Variants in EFL1 observed in about 807,000 individuals in gnomAD.
The protein encoded by EFL1 is elongation factor like GTPase 1.
Under a neutral mutation model 126.7 loss-of-function variants are expected in EFL1, and 76 were observed. The ratio of observed to expected loss-of-function variants is 0.60; its 90% CI spans 0.50 to 0.73. The LOEUF is 0.73. EFL1 is among the 30% of genes least tolerant of loss of function. The probability of loss-of-function intolerance (pLI) is 0.00; values close to 1 mark genes in which losing one functional copy is unlikely to be tolerated. For missense variants in EFL1, 1,128 were observed against 1,343.2 expected (o/e 0.84, Z 2.50); for synonymous variants, 410 against 448.4 (o/e 0.91, Z 1.08).
At chr15:82,230,467 C>G (rs1001570560) in intron 8 of EFL1, among the ~76,000 whole-genome samples, 3 of 152,006 alleles carry the variant, frequency 2.0e-5, no homozygotes, top group Non-Finnish European at 2.9e-5. Flanking sequence ...CCTCAGCTGA[C>G]ACTAGAAAGA....
chr15:82,204,462 G>T lies in EFL1; in HGVS notation c.1750+10255C>A, dbSNP rs377461432. ...TCCAATCAGACTATATCAATTTATGGGCGTAAGAGAGTATATTTCCACCTT... is the reference window on the plus strand; with the variant it reads ...TCCAATCAGACTATATCAATTTATGTGCGTAAGAGAGTATATTTCCACCTT... On this transcript the variant is annotated intron_variant, in intron 15 of 19. Transcript: ENST00000268206. Among the ~76,000 whole-genome samples the T allele has an allele frequency of 6.6e-5, 10 of 152,004 alleles. 1 individual carries two copies. The East Asian group carries it at 1.5e-3, about 23-fold the overall frequency.
chr15:82,255,898 C>T (rs2075062488), intron 3 of EFL1, among the ~76,000 whole-genome samples: 1 of 152,124 alleles, frequency 6.6e-6, no homozygotes, highest in Admixed American at 6.5e-5. Context: ...CTTCTTCAGT[C>T]CCGGCTATTA....
chr15:82,262,528 C>T (rs868615520), intron 1 of EFL1, 86 bp downstream of exon 1: 42 of 222,696 alleles, frequency 1.9e-4, no homozygotes, highest in Middle Eastern at 1.6e-3. Flanking sequence ...CTGTTCCCGC[C>T]TCAGAGCCGC....
chr15:82,198,836 A>G (rs2074437148), intron 15 of EFL1, among the ~76,000 whole-genome samples: 1 of 152,316 alleles, frequency 6.6e-6, no homozygotes, highest in East Asian at 1.9e-4. Context: ...CTTATTTACT[A>G]GTTTGCGATC....
At chr15:82,143,770 C>T (rs1158171114) in intron 18 of EFL1, among the ~76,000 whole-genome samples, 2 of 152,152 alleles carry the variant, frequency 1.3e-5, no homozygotes, top group South Asian at 4.1e-4. Flanking sequence ...TAATCAGTGA[C>T]TTAAAAAAGA....
chr15:82,146,756 C>A (rs1295219839), intron 18 of EFL1, among the ~76,000 whole-genome samples: 4 of 152,124 alleles, frequency 2.6e-5, no homozygotes, highest in Non-Finnish European at 5.9e-5. Context: ...CACATACACA[C>A]AGTTGCCGCA....
At chr15:82,146,225 A>C (rs2073844101) in intron 18 of EFL1, among the ~76,000 whole-genome samples, 1 of 152,188 alleles carries the variant, frequency 6.6e-6, no homozygotes, top group Non-Finnish European at 1.5e-5. Context: ...TCTTGTTTTA[A>C]TAATCTATGT....
At chr15:82,243,772 T>C (rs1266914380) in intron 4 of EFL1, among the ~76,000 whole-genome samples, 1 of 150,926 alleles carries the variant, frequency 6.6e-6, no homozygotes, top group Non-Finnish European at 1.5e-5. Flanking sequence ...CTCCCCTAAG[T>C]ACGCGTCCAT....
chr15:82,229,359 T>C (rs1022115141), intron 8 of EFL1, among the ~76,000 whole-genome samples: 1 of 152,182 alleles, frequency 6.6e-6, no homozygotes, highest in Non-Finnish European at 1.5e-5. Context: ...TGGGTCATAT[T>C]ACCATGGCTG....
At chr15:82,245,418 A>AT (rs967953849) in intron 4 of EFL1, among the ~76,000 whole-genome samples, 2 of 152,052 alleles carry the variant, frequency 1.3e-5, no homozygotes, top group African/African-American at 4.8e-5. Context: ...GGGATTACAG[A>AT]TGTGAGCCAC....
rs572491834 is a variant in EFL1, at chr15:82,229,709, GT to G, written c.856-600del. 6.1e-3 allele frequency among the ~76,000 whole-genome samples: 925 copies of G among 152,034 alleles called. 5 individuals carry two copies. Among genetic ancestry groups the G allele is most frequent in the Non-Finnish European group, 9.4e-3 (640 of 67,964 alleles). On this transcript the variant is annotated intron_variant, in intron 8 of 19. Transcript: ENST00000268206. Reference sequence around the variant, plus strand: ...AAAAGTCATTGGCTTAGAATGCTCAGTTTTAAAAAAAAGCATCATGAAGACA... The same window carrying G: ...AAAAGTCATTGGCTTAGAATGCTCAGTTTAAAAAAAAGCATCATGAAGACA...
intron 3 of EFL1, among the ~76,000 whole-genome samples, chr15:82,255,453 G>C (rs2075058569): frequency 2.0e-5 from 3 of 152,118 alleles, no homozygotes; most frequent in South Asian, 4.2e-4. Flanking sequence ...ACAGTTACCA[G>C]GCTTGTTTTT....
intron 7 of EFL1, among the ~76,000 whole-genome samples, chr15:82,235,581 G>A (rs549115281): frequency 4.7e-4 from 71 of 152,140 alleles, no homozygotes; most frequent in African/African-American, 1.6e-3. Context: ...ATATTAACAA[G>A]CTAAAGAAGA....
At chr15:82,226,334 A>G (rs2074763884) in intron 11 of EFL1, among the ~76,000 whole-genome samples, 1 of 151,990 alleles carries the variant, frequency 6.6e-6, no homozygotes, top group African/African-American at 2.4e-5. Flanking sequence ...ACGCCCAGTT[A>G]GTTTTTGTAT....
chr15:82,136,840 A>T (rs2073727327), intron 19 of EFL1, among the ~76,000 whole-genome samples: 1 of 152,216 alleles, frequency 6.6e-6, no homozygotes, highest in African/African-American at 2.4e-5. Flanking sequence ...ATTCAGCAAT[A>T]TCGCATCAGA....
intron 8 of EFL1, among the ~76,000 whole-genome samples, chr15:82,229,480 C>T (rs564299128): frequency 2.0e-5 from 3 of 152,234 alleles, no homozygotes; most frequent in South Asian, 4.1e-4. Flanking sequence ...AAACATAAAG[C>T]ATTCTTAAAC....
chr15:82,164,779 C>A (rs1297347301), intron 15 of EFL1, among the ~76,000 whole-genome samples: 1 of 151,822 alleles, frequency 6.6e-6, no homozygotes, highest in African/African-American at 2.4e-5. Flanking sequence ...CGCCTGTAGT[C>A]CCAGCTACTT....
intron 15 of EFL1, among the ~76,000 whole-genome samples, chr15:82,207,771 A>C (rs902462595): frequency 6.2e-5 from 9 of 144,132 alleles, no homozygotes; most frequent in Non-Finnish European, 1.3e-4. Flanking sequence ...CCCAGGCTGG[A>C]GTGCAATGGT....
intron 6 of EFL1, among the ~76,000 whole-genome samples, chr15:82,238,778 A>G (rs1360546357): frequency 2.6e-5 from 4 of 152,150 alleles, no homozygotes; most frequent in African/African-American, 4.8e-5. Flanking sequence ...GTAAATGTTA[A>G]TGTGTCATAT....
Sources: allele counts gnomAD v4.1 joint callset (sites outside exome capture counted in the v4.1 genomes callset), GRCh38; gene constraint gnomAD v4.1.1; transcripts MANE v1.5; gene names NCBI Gene and HGNC (gene_info 2026-07-23, HGNC 2026-07-21).